STAC: variants seen among roughly 807,000 people sequenced by gnomAD.
STAC encodes the protein SH3 and cysteine-rich domain-containing protein.
Under a neutral mutation model 48.8 loss-of-function variants are expected in STAC, and 43 were observed. That is an observed-to-expected ratio of 0.88 (90% CI 0.69 to 1.14). STAC has a LOEUF of 1.14. Among genes scored for constraint, STAC ranks in the 50% most tolerant of loss-of-function variants. STAC has a pLI of 0.00. For synonymous variants in STAC, 193 were observed against 179.5 expected (o/e 1.07, Z -0.60); for missense variants, 497 against 504.0 (o/e 0.99, Z 0.13).
At chr3:36,487,199 G>A (rs1173544877) in intron 5 of STAC, among the ~76,000 whole-genome samples, 1 of 152,250 alleles carries the variant, frequency 6.6e-6, no homozygotes, top group Non-Finnish European at 1.5e-5. Flanking sequence ...CAAGATTGTA[G>A]GTAGGTGAAT....
intron 1 of STAC, among the ~76,000 whole-genome samples, chr3:36,420,134 G>A (rs1352286881): frequency 6.6e-6 from 1 of 152,106 alleles, no homozygotes; most frequent in African/African-American, 2.4e-5. Context: ...TTAGCACTGA[G>A]AATAGAATAA....
At chr3:36,467,803 C>T (rs536104984) in intron 2 of STAC, among the ~76,000 whole-genome samples, 51 of 151,738 alleles carry the variant, frequency 3.4e-4, no homozygotes, top group African/African-American at 1.2e-3. Flanking sequence ...GTTTCATTTA[C>T]CTTTTGTATT....
chr3:36,417,374 T>G (rs1425814158), intron 1 of STAC, among the ~76,000 whole-genome samples: 1 of 152,158 alleles, frequency 6.6e-6, no homozygotes, highest in African/African-American at 2.4e-5. Flanking sequence ...CAGGAATGGA[T>G]TCAGGGGAAT....
chr3:36,434,426 C>T (rs1002732244), intron 1 of STAC, among the ~76,000 whole-genome samples: 2 of 151,990 alleles, frequency 1.3e-5, no homozygotes, highest in Non-Finnish European at 2.9e-5. Context: ...AGATGTAGAC[C>T]ACATGTGAGT....
intron 1 of STAC, among the ~76,000 whole-genome samples, chr3:36,404,863 A>G (rs996611936): frequency 2.6e-5 from 4 of 152,098 alleles, no homozygotes; most frequent in African/African-American, 9.7e-5. Flanking sequence ...TATAGAATAC[A>G]AAGATTGATG....
intron 10 of STAC, among the ~76,000 whole-genome samples, chr3:36,535,671 A>C (rs1352982432): frequency 6.6e-6 from 1 of 152,208 alleles, no homozygotes; most frequent in Non-Finnish European, 1.5e-5. Context: ...GAGAGTTTTT[A>C]AAATGAATGG....
intron 1 of STAC, among the ~76,000 whole-genome samples, chr3:36,401,555 G>C (rs1014731565): frequency 6.6e-6 from 1 of 152,166 alleles, no homozygotes; most frequent in African/African-American, 2.4e-5. Flanking sequence ...CACTGGAAGA[G>C]CTGCAGCCAT....
chr3:36,457,276 C>T (rs1014481703), intron 2 of STAC, among the ~76,000 whole-genome samples: 6 of 152,176 alleles, frequency 3.9e-5, no homozygotes, highest in African/African-American at 1.4e-4. Context: ...GTTGGTGGAT[C>T]AAGTGGTCTT....
chr3:36,523,862 C>T (rs572322778), intron 8 of STAC, among the ~76,000 whole-genome samples: 17 of 152,292 alleles, frequency 1.1e-4, no homozygotes, highest in South Asian at 6.2e-4. Context: ...TTGATGACAT[C>T]GCACAACACA....
chr3:36,535,288 T>C (rs1354020164), intron 10 of STAC, among the ~76,000 whole-genome samples: 2 of 152,184 alleles, frequency 1.3e-5, no homozygotes, highest in African/African-American at 2.4e-5. Flanking sequence ...GTTGTTGGCG[T>C]ATAGTAATGC....
At position 36,453,676 on chromosome 3, in the gene STAC, TG is replaced by T. The variant is rs1231319501; in HGVS notation, c.388+10037del. Among the ~76,000 whole-genome samples, 140 of 98,948 alleles carry T rather than the reference TG, an allele frequency of 1.4e-3. 61 individuals are homozygous for T. Among genetic ancestry groups the T allele is most frequent in the Middle Eastern group, 0.01 (2 of 194 alleles). The allele number at this position is 98,948 out of a possible 152,430, so 64.9% of individuals were successfully genotyped here. A position where few individuals can be genotyped will look rare whatever the true frequency, so the allele number is the denominator to read the frequency against. On this transcript the variant is annotated intron_variant, in intron 2 of 10. Coordinates refer to ENST00000273183, the MANE Select transcript of STAC (RefSeq NM_003149.3). Reference sequence around the variant, plus strand: ...CCAATCCCATCGACCACCCAAGGGCTGAGGAGTGCTGGCGCAGGGCGCGGGA... The same window carrying T: ...CCAATCCCATCGACCACCCAAGGGCTAGGAGTGCTGGCGCAGGGCGCGGGA...
At chr3:36,500,860 G>T (rs918026478) in intron 6 of STAC, among the ~76,000 whole-genome samples, 3 of 152,178 alleles carry the variant, frequency 2.0e-5, no homozygotes, top group Admixed American at 6.5e-5. Context: ...GGAGGCCAAG[G>T]TTGGAGGACC....
chr3:36,502,083 G>A (rs1698294890), intron 6 of STAC, among the ~76,000 whole-genome samples: 1 of 152,080 alleles, frequency 6.6e-6, no homozygotes, highest in Non-Finnish European at 1.5e-5. Flanking sequence ...CAGTGGTCTT[G>A]GGCCTCACAG....
intron 1 of STAC, among the ~76,000 whole-genome samples, chr3:36,425,730 A>G (rs1202497568): frequency 6.6e-6 from 1 of 152,238 alleles, no homozygotes; most frequent in African/African-American, 2.4e-5. Context: ...AATGTTAGAA[A>G]AAGAAATATT....
intron 6 of STAC, among the ~76,000 whole-genome samples, chr3:36,495,133 T>C (rs913279170): frequency 6.6e-6 from 1 of 152,204 alleles, no homozygotes. Flanking sequence ...CCCAAAGCAG[T>C]GACCTAGCCT....
At chr3:36,411,141 A>G (rs1700185833) in intron 1 of STAC, among the ~76,000 whole-genome samples, 1 of 152,136 alleles carries the variant, frequency 6.6e-6, no homozygotes. Flanking sequence ...CCCACATCCA[A>G]CCCACTAAGA....
chr3:36,509,739 G>A (rs1291611253), intron 8 of STAC, among the ~76,000 whole-genome samples: 1 of 151,656 alleles, frequency 6.6e-6, no homozygotes, highest in African/African-American at 2.4e-5. Context: ...AACTGTGTTG[G>A]GAAAACTGGC....
intron 10 of STAC, among the ~76,000 whole-genome samples, chr3:36,540,256 A>T (rs192543511): frequency 1.9e-4 from 29 of 152,318 alleles, no homozygotes; most frequent in Admixed American, 1.7e-3. Flanking sequence ...CCTTGTTCTT[A>T]GGACTTCTGA....
chr3:36,492,958 G>A (rs895601440), intron 5 of STAC, among the ~76,000 whole-genome samples, 193 bp from the exon 6 acceptor site: 2 of 152,154 alleles, frequency 1.3e-5, no homozygotes, highest in Non-Finnish European at 2.9e-5. Context: ...GCCTGCTATA[G>A]ACACCTGAAG....
Sources: allele counts gnomAD v4.1 joint callset (sites outside exome capture counted in the v4.1 genomes callset), GRCh38; gene constraint gnomAD v4.1.1; transcripts MANE v1.5; gene names NCBI Gene and HGNC (gene_info 2026-07-23, HGNC 2026-07-21).